Variants in TBL1X observed in about 807,000 individuals in gnomAD.
TBL1X encodes the protein F-box-like/WD repeat-containing protein TBL1X.
In TBL1X, 10 loss-of-function variants were observed where a neutral mutation model predicts 50.7. The ratio of observed to expected loss-of-function variants is 0.20; its 90% CI spans 0.12 to 0.33. The LOEUF (loss-of-function observed/expected upper bound fraction) is 0.33. Ranked by LOEUF, TBL1X falls within the 10% of genes least tolerant of loss-of-function variation. TBL1X has a pLI of 1.00. For synonymous variants in TBL1X, 190 were observed against 214.7 expected (o/e 0.88, Z 1.01); for missense variants, 340 against 504.4 (o/e 0.67, Z 3.12).
chrX:9,588,566 A>C (rs1465057611), intron 2 of TBL1X, among the ~76,000 whole-genome samples: 1 of 109,034 alleles, frequency 9.2e-6, no homozygotes, highest in Non-Finnish European at 1.9e-5. Flanking sequence ...TCTCTCTCTA[A>C]CATTTTGATA....
intron 2 of TBL1X, among the ~76,000 whole-genome samples, chrX:9,564,290 T>G (rs976859900): frequency 3.6e-5 from 4 of 110,358 alleles, no homozygotes; most frequent in African/African-American, 1.3e-4. Flanking sequence ...TCTAGGAAAC[T>G]TATGGAGAAT....
At chrX:9,473,356 A>G (rs1193460858) in intron 1 of TBL1X, among the ~76,000 whole-genome samples, 6 of 112,195 alleles carry the variant, frequency 5.3e-5, no homozygotes. Flanking sequence ...TGCCAGCTCC[A>G]TGTTGATAAA....
At chrX:9,710,217 A>T (rs1380957496) in intron 15 of TBL1X, among the ~76,000 whole-genome samples, 2 of 25,803 alleles carry the variant, frequency 7.8e-5, no homozygotes, top group African/African-American at 3.7e-4. Context: ...ACCATGTCTC[A>T]AAAAAAAAAA....
intron 2 of TBL1X, among the ~76,000 whole-genome samples, chrX:9,622,909 T>A (rs2082674799): frequency 8.9e-6 from 1 of 112,303 alleles, no homozygotes; most frequent in Non-Finnish European, 1.9e-5. Flanking sequence ...CCAAAATAGC[T>A]TTTGGCTATT....
At position 9,695,532 on chromosome X, in the gene TBL1X, G is replaced by A. The variant is rs756498179; in HGVS notation, c.1054-1837G>A. Among the ~76,000 whole-genome samples, 7 of 112,542 alleles carry A rather than the reference G, an allele frequency of 6.2e-5. No individual in the cohort carries two copies. In the East Asian group the frequency reaches 1.9e-3, roughly 31 times the overall value. On this transcript the variant is annotated intron_variant, in intron 11 of 17. Transcript: ENST00000645353. The stretch of plus-strand genomic sequence containing the variant: ...TAGGCTCTCAGTAATTGCTGCTTGA[G>A]TTATTAAAATCACTCATGAAAATGA...
intron 5 of TBL1X, among the ~76,000 whole-genome samples, chrX:9,680,728 C>A (rs1185168983): frequency 8.9e-6 from 1 of 111,823 alleles, no homozygotes; most frequent in Non-Finnish European, 1.9e-5. Context: ...AGGAGGACTT[C>A]TGTTAACCAT....
chrX:9,641,946 T>A (rs773718695), intron 3 of TBL1X, among the ~76,000 whole-genome samples: 1 of 112,358 alleles, frequency 8.9e-6, no homozygotes, highest in Non-Finnish European at 1.9e-5. Context: ...TGTGGACATA[T>A]GTTTCATTTC....
At chrX:9,619,717 C>T (rs984616825) in intron 2 of TBL1X, among the ~76,000 whole-genome samples, 1 of 112,049 alleles carries the variant, frequency 8.9e-6, no homozygotes, top group African/African-American at 3.2e-5. Flanking sequence ...AGACTTGGAT[C>T]GGCTTTGGGA....
At chrX:9,599,940 T>G (rs1191632238) in intron 2 of TBL1X, among the ~76,000 whole-genome samples, 1 of 111,778 alleles carries the variant, frequency 8.9e-6, no homozygotes, top group Non-Finnish European at 1.9e-5. Flanking sequence ...GATCAGAATG[T>G]GCTCCACCCC....
intron 2 of TBL1X, among the ~76,000 whole-genome samples, chrX:9,566,408 A>G (rs751446044): frequency 3.6e-5 from 4 of 112,307 alleles, no homozygotes; most frequent in East Asian, 2.8e-4. Flanking sequence ...GTAATACAGG[A>G]AACACCAGCT....
intron 2 of TBL1X, among the ~76,000 whole-genome samples, chrX:9,628,334 A>G (rs1407967566): frequency 1.8e-5 from 2 of 111,712 alleles, no homozygotes; most frequent in Non-Finnish European, 1.9e-5. Context: ...TATGGTGACC[A>G]CCATAAGTGT....
intron 1 of TBL1X, among the ~76,000 whole-genome samples, chrX:9,496,138 G>C (rs973261904): frequency 8.9e-6 from 1 of 112,399 alleles, no homozygotes; most frequent in Non-Finnish European, 1.9e-5. Context: ...CAGTGTGTCC[G>C]TTTGGCCCTC....
intron 5 of TBL1X, among the ~76,000 whole-genome samples, chrX:9,667,461 AT>A (rs1159124653): frequency 1.8e-5 from 2 of 112,216 alleles, no homozygotes; most frequent in Non-Finnish European, 3.8e-5. Context: ...TTCTTAGGAA[AT>A]TAATCAGCTG....
intron 12 of TBL1X, among the ~76,000 whole-genome samples, chrX:9,700,494 G>A (rs61528624): frequency 0.016 from 1,840 of 112,008 alleles, 35 homozygotes; most frequent in African/African-American, 0.057. Context: ...TCTCACCTGT[G>A]ATCTGGCTGG....
At chrX:9,518,113 A>G (rs1008048848) in intron 2 of TBL1X, among the ~76,000 whole-genome samples, 36 of 110,407 alleles carry the variant, frequency 3.3e-4, no homozygotes, top group Non-Finnish European at 6.4e-4. Flanking sequence ...AAAAAAAAAA[A>G]AAAGAAAAGA....
intron 3 of TBL1X, among the ~76,000 whole-genome samples, chrX:9,650,623 T>C (rs925980334): frequency 2.7e-5 from 3 of 111,927 alleles, no homozygotes; most frequent in African/African-American, 9.7e-5. Context: ...CCGGTCCCAC[T>C]AGCCCTGTTG....
chrX:9,659,923 T>G (rs1286658763), intron 5 of TBL1X, among the ~76,000 whole-genome samples: 1 of 112,741 alleles, frequency 8.9e-6, no homozygotes, highest in Non-Finnish European at 1.9e-5. Context: ...GGTCACAGTT[T>G]CCATGGGCCG....
chrX:9,624,455 G>C (rs1237451551), intron 2 of TBL1X, among the ~76,000 whole-genome samples: 1 of 111,886 alleles, frequency 8.9e-6, no homozygotes, highest in East Asian at 2.8e-4. Context: ...CTCTACTGTA[G>C]GTGCCTATAT....
chrX:9,600,195 T>C (rs1296729738), intron 2 of TBL1X, among the ~76,000 whole-genome samples: 1 of 110,881 alleles, frequency 9.0e-6, no homozygotes, highest in Non-Finnish European at 1.9e-5. Context: ...TTATAAAAAA[T>C]AGAAATGTAT....
Sources: allele counts gnomAD v4.1 joint callset (sites outside exome capture counted in the v4.1 genomes callset), GRCh38; gene constraint gnomAD v4.1.1; transcripts MANE v1.5; gene names NCBI Gene and HGNC (gene_info 2026-07-23, HGNC 2026-07-21).